The following IL1RAPL1 variants were observed in gnomAD, a reference collection of about 807,000 sequenced individuals.
The protein encoded by IL1RAPL1 is interleukin-1 receptor accessory protein-like 1.
Under a neutral mutation model 48.4 loss-of-function variants are expected in IL1RAPL1, and 3 were observed. That is an observed-to-expected ratio of 0.06 (90% confidence interval 0.03 to 0.16). The LOEUF is 0.16. Among genes scored for constraint, IL1RAPL1 ranks in the 10% least tolerant of loss-of-function variants. The pLI is 1.00. For missense variants in IL1RAPL1, 349 were observed against 530.6 expected (o/e 0.66, Z 3.36); for synonymous variants, 185 against 187.7 (o/e 0.99, Z 0.12).
intron 6 of IL1RAPL1, among the ~76,000 whole-genome samples, chrX:29,875,749 G>C (rs1386027578): frequency 5.4e-5 from 6 of 112,017 alleles, no homozygotes; most frequent in African/African-American, 9.7e-5. Context: ...GGGAAAAAGG[G>C]CAGGAAGTAA....
intron 2 of IL1RAPL1, among the ~76,000 whole-genome samples, chrX:29,064,722 C>G (rs934347412): frequency 9.0e-6 from 1 of 110,889 alleles, no homozygotes; most frequent in Admixed American, 9.6e-5. Flanking sequence ...GCTGGGACTA[C>G]AGGCGCCCGC....
chrX:29,716,617 C>T (rs774672691), intron 6 of IL1RAPL1, among the ~76,000 whole-genome samples: 13 of 111,876 alleles, frequency 1.2e-4, no homozygotes, highest in Non-Finnish European at 1.9e-4. Context: ...TTAGAATAAA[C>T]ATATGCAGGC....
chrX:28,592,950 G>C (rs1569134732), intron 1 of IL1RAPL1, among the ~76,000 whole-genome samples: 1 of 111,848 alleles, frequency 8.9e-6, no homozygotes, highest in Non-Finnish European at 1.9e-5. Context: ...CTTTAGATTT[G>C]CTCTGGCAGA....
intron 2 of IL1RAPL1, among the ~76,000 whole-genome samples, chrX:29,093,338 G>C (rs1287540473): frequency 9.1e-6 from 1 of 110,147 alleles, no homozygotes; most frequent in Non-Finnish European, 1.9e-5. Context: ...CAGGAGGAGG[G>C]GGGTGGGAGA....
intron 6 of IL1RAPL1, among the ~76,000 whole-genome samples, chrX:29,767,562 T>C (rs1307252469): frequency 1.8e-5 from 2 of 112,181 alleles, no homozygotes; most frequent in Non-Finnish European, 3.8e-5. Context: ...CATTAATTGC[T>C]AACCAAGTGA....
At chrX:29,088,412 A>C (rs1192869181) in intron 2 of IL1RAPL1, among the ~76,000 whole-genome samples, 1 of 110,695 alleles carries the variant, frequency 9.0e-6, no homozygotes, top group Admixed American at 9.7e-5. Context: ...GTGGTGGCTC[A>C]TGCCTGTAAT....
intron 2 of IL1RAPL1, among the ~76,000 whole-genome samples, chrX:28,802,667 CAAT>C (rs1457668671): frequency 8.9e-6 from 1 of 111,934 alleles, no homozygotes. Flanking sequence ...TTATTCTTAT[CAAT>C]GATGAAGAAA....
chrX:29,377,080 G>A (rs1336999669), intron 3 of IL1RAPL1, among the ~76,000 whole-genome samples: 1 of 112,236 alleles, frequency 8.9e-6, no homozygotes, highest in East Asian at 2.8e-4. Context: ...AAGGCTTCTT[G>A]TTGGAGTGTA....
intron 1 of IL1RAPL1, among the ~76,000 whole-genome samples, chrX:28,764,817 A>G (rs974829668): frequency 2.8e-5 from 3 of 107,500 alleles, no homozygotes; most frequent in Admixed American, 2.0e-4. Flanking sequence ...ACATGCACGC[A>G]AACACACACA....
chrX:28,698,475 C>A (rs1184161059), intron 1 of IL1RAPL1, among the ~76,000 whole-genome samples: 1 of 111,346 alleles, frequency 9.0e-6, no homozygotes, highest in Non-Finnish European at 1.9e-5. Flanking sequence ...TATTCTGGTT[C>A]AAATCACCTC....
chrX:29,381,710 G>A (rs781081180), intron 3 of IL1RAPL1, among the ~76,000 whole-genome samples: 6 of 101,897 alleles, frequency 5.9e-5, no homozygotes, highest in African/African-American at 1.8e-4. Context: ...CAGCTACTCA[G>A]GAGGCTGAGA....
chrX:28,927,662 T>C, intron 2 of IL1RAPL1, among the ~76,000 whole-genome samples: 1 of 108,678 alleles, frequency 9.2e-6, no homozygotes, highest in East Asian at 2.9e-4. Flanking sequence ...CACATGACTA[T>C]TGCATTGTCA....
chrX:29,093,446 TCCCA>T (rs1928133994), intron 2 of IL1RAPL1, among the ~76,000 whole-genome samples: 1 of 111,279 alleles, frequency 9.0e-6, no homozygotes, highest in African/African-American at 3.3e-5. Flanking sequence ...TCCAGTCACC[TCCCA>T]CCAGGCATTG....
intron 5 of IL1RAPL1, among the ~76,000 whole-genome samples, chrX:29,634,366 T>TA (rs201276259): frequency 0.013 from 1,447 of 110,995 alleles, 25 homozygotes; most frequent in African/African-American, 0.046. Flanking sequence ...TACAGCTTTA[T>TA]AAAAAAAATA....
chrX:28,650,002 A>C (rs1488711228), intron 1 of IL1RAPL1, among the ~76,000 whole-genome samples: 5 of 111,467 alleles, frequency 4.5e-5, no homozygotes, highest in Admixed American at 2.9e-4. Flanking sequence ...TTGTTCTTTT[A>C]CTTGGCCCTC....
At chrX:29,477,006 G>C (rs1934984359) in intron 5 of IL1RAPL1, among the ~76,000 whole-genome samples, 1 of 103,856 alleles carries the variant, frequency 9.6e-6, no homozygotes, top group South Asian at 4.5e-4. Context: ...TCAGCCTCCC[G>C]AGTAGCTGGG....
intron 9 of IL1RAPL1, among the ~76,000 whole-genome samples, chrX:29,951,242 A>T (rs1049498703): frequency 8.0e-5 from 9 of 112,183 alleles, no homozygotes; most frequent in Non-Finnish European, 1.3e-4. Flanking sequence ...TTGAGCATCT[A>T]CTAAGCCCCA....
intron 5 of IL1RAPL1, among the ~76,000 whole-genome samples, chrX:29,636,428 C>A (rs1257359395): frequency 8.9e-6 from 1 of 111,982 alleles, no homozygotes; most frequent in African/African-American, 3.2e-5. Context: ...TCAGATATTG[C>A]CAGTAAGAGT....
At chrX:29,802,142 A>G (rs1222631021) in intron 6 of IL1RAPL1, among the ~76,000 whole-genome samples, 3 of 111,865 alleles carry the variant, frequency 2.7e-5, no homozygotes, top group Non-Finnish European at 5.6e-5. Context: ...ACTCATTTGA[A>G]CAGCTTGCTC....
Sources: allele counts gnomAD v4.1 joint callset (sites outside exome capture counted in the v4.1 genomes callset), GRCh38; gene constraint gnomAD v4.1.1; transcripts MANE v1.5; gene names NCBI Gene and HGNC (gene_info 2026-07-23, HGNC 2026-07-21).